Variants in FSTL5 observed in about 807,000 individuals in gnomAD.
The protein encoded by FSTL5 is follistatin like 5.
A neutral mutation model predicts 89.1 loss-of-function variants in FSTL5; 62 were observed. The observed-to-expected ratio is 0.70, with a 90% CI of 0.57 to 0.86. The LOEUF is 0.86. Ranked by LOEUF, FSTL5 falls within the 40% of genes least tolerant of loss-of-function variation. The probability of loss-of-function intolerance (pLI) is 0.00; values close to 1 mark genes in which losing one functional copy is unlikely to be tolerated. For missense variants in FSTL5, 1,057 were observed against 1,001.6 expected (o/e 1.06, Z -0.75); for synonymous variants, 383 against 346.2 (o/e 1.11, Z -1.18).
At chr4:161,944,163 T>C (rs1162084730) in intron 3 of FSTL5, among the ~76,000 whole-genome samples, 3 of 152,158 alleles carry the variant, frequency 2.0e-5, no homozygotes, top group African/African-American at 7.2e-5. Context: ...AATTCTGAAA[T>C]TGGATGTATT....
At chr4:161,619,183 A>C (rs1466287788) in intron 7 of FSTL5, among the ~76,000 whole-genome samples, 2 of 152,222 alleles carry the variant, frequency 1.3e-5, no homozygotes, top group Non-Finnish European at 2.9e-5. Context: ...TTATACAAAA[A>C]TTAATTCAAG....
chr4:161,894,369 C>A (rs960893072), intron 4 of FSTL5, among the ~76,000 whole-genome samples: 1 of 152,200 alleles, frequency 6.6e-6, no homozygotes, highest in Non-Finnish European at 1.5e-5. Flanking sequence ...CAATGTCCAT[C>A]TCTGTTTTGT....
chr4:161,808,110 G>GGA (rs1730023415), intron 4 of FSTL5, among the ~76,000 whole-genome samples: 1 of 152,084 alleles, frequency 6.6e-6, no homozygotes, highest in Non-Finnish European at 1.5e-5. Flanking sequence ...TGGGGGCAAT[G>GGA]TAGAAAAAAA....
At chr4:161,406,826 T>G (rs999181107) in intron 15 of FSTL5, among the ~76,000 whole-genome samples, 1 of 152,224 alleles carries the variant, frequency 6.6e-6, no homozygotes, top group African/African-American at 2.4e-5. Context: ...TTACATCTAA[T>G]GTCAATCTCT....
At chr4:161,430,997 C>G (rs1015764555) in intron 15 of FSTL5, among the ~76,000 whole-genome samples, 1 of 150,332 alleles carries the variant, frequency 6.7e-6, no homozygotes, top group Non-Finnish European at 1.5e-5. Flanking sequence ...ATAGAATTTC[C>G]CAGATAATAA....
At chr4:161,615,645 A>C (rs1378300912) in intron 7 of FSTL5, among the ~76,000 whole-genome samples, 1 of 152,068 alleles carries the variant, frequency 6.6e-6, no homozygotes, top group Non-Finnish European at 1.5e-5. Flanking sequence ...AAATATTAAA[A>C]TCTTTAAACA....
At chr4:161,540,276 A>T (rs1731775315) in intron 9 of FSTL5, among the ~76,000 whole-genome samples, 1 of 152,130 alleles carries the variant, frequency 6.6e-6, no homozygotes, top group South Asian at 2.1e-4. Flanking sequence ...ACAGTTTTCA[A>T]TTCCTAGGAC....
intron 3 of FSTL5, among the ~76,000 whole-genome samples, chr4:161,949,300 A>G (rs547084582): frequency 5.3e-5 from 8 of 152,248 alleles, no homozygotes; most frequent in Non-Finnish European, 8.8e-5. Flanking sequence ...TCCTTCACTC[A>G]ATCACATCTG....
chr4:162,003,873 T>C (rs1403315445), intron 3 of FSTL5, among the ~76,000 whole-genome samples: 2 of 152,140 alleles, frequency 1.3e-5, no homozygotes, highest in Non-Finnish European at 2.9e-5. Flanking sequence ...ATAATATAGA[T>C]ATAGGTAGTT....
At chr4:161,807,196 T>TACACACACACACACAC (rs10561299) in intron 4 of FSTL5, among the ~76,000 whole-genome samples, 1,567 of 146,584 alleles carry the variant, frequency 0.011, 20 homozygotes, top group Admixed American at 0.036. Context: ...CACATGAGAA[T>TACACACACACACACAC]ACACACACAC....
At chr4:161,758,290 A>G (rs554109444) in intron 6 of FSTL5, among the ~76,000 whole-genome samples, 1 of 152,220 alleles carries the variant, frequency 6.6e-6, no homozygotes, top group East Asian at 1.9e-4. Flanking sequence ...TTCAAAAAAG[A>G]CCTTTTTACA....
chr4:161,903,723 A>G (rs1579182426), intron 4 of FSTL5, among the ~76,000 whole-genome samples: 1 of 151,850 alleles, frequency 6.6e-6, no homozygotes, highest in African/African-American at 2.4e-5. Context: ...AGCTATAGAC[A>G]GTAAGCCACT....
intron 15 of FSTL5, among the ~76,000 whole-genome samples, chr4:161,440,413 G>A (rs1020890717): frequency 5.3e-5 from 8 of 149,644 alleles, no homozygotes; most frequent in South Asian, 2.1e-4. Flanking sequence ...CTGATGAGCC[G>A]AAAAAGAAAA....
At chr4:162,157,600 G>A (rs912465405) in intron 1 of FSTL5, among the ~76,000 whole-genome samples, 5 of 152,030 alleles carry the variant, frequency 3.3e-5, no homozygotes, top group African/African-American at 1.2e-4. Context: ...AAACATTTAT[G>A]CCAGACTTCT....
intron 4 of FSTL5, among the ~76,000 whole-genome samples, chr4:161,814,455 G>A (rs1730264059): frequency 6.6e-6 from 1 of 152,140 alleles, no homozygotes; most frequent in Admixed American, 6.5e-5. Flanking sequence ...TGTTTGAACT[G>A]ATTACATTGG....
intron 7 of FSTL5, among the ~76,000 whole-genome samples, chr4:161,652,041 G>A (rs1327180018): frequency 1.3e-5 from 2 of 152,128 alleles, no homozygotes; most frequent in African/African-American, 2.4e-5. Flanking sequence ...GCACACAGTG[G>A]TTAAACTCCT....
At chr4:161,653,817 A>G (rs114590608) in intron 7 of FSTL5, among the ~76,000 whole-genome samples, 2,156 of 152,272 alleles carry the variant, frequency 0.014, 65 homozygotes, top group South Asian at 0.13. Context: ...CCAGGAATAT[A>G]TTGGAAATTT....
chr4:161,669,089 G>A (rs1237448104), intron 6 of FSTL5, among the ~76,000 whole-genome samples: 1 of 138,132 alleles, frequency 7.2e-6, no homozygotes, highest in African/African-American at 2.7e-5. Flanking sequence ...TCCAGCCTGG[G>A]TGACAGAGTG....
At chr4:162,044,013 T>C (rs969743554) in intron 2 of FSTL5, among the ~76,000 whole-genome samples, 1 of 152,104 alleles carries the variant, frequency 6.6e-6, no homozygotes, top group African/African-American at 2.4e-5. Context: ...AATCACCTTC[T>C]CCAAAACTCC....
Sources: allele counts gnomAD v4.1 joint callset (sites outside exome capture counted in the v4.1 genomes callset), GRCh38; gene constraint gnomAD v4.1.1; transcripts MANE v1.5; gene names NCBI Gene and HGNC (gene_info 2026-07-23, HGNC 2026-07-21).